Variants in VRK2 observed in about 807,000 individuals in gnomAD.
VRK2 encodes serine/threonine-protein kinase VRK2.
A neutral mutation model predicts 57.6 loss-of-function variants in VRK2; 60 were observed. The ratio of observed to expected loss-of-function variants is 1.04; its 90% CI spans 0.85 to 1.29. The LOEUF is 1.29. Ranked by LOEUF, VRK2 falls within the 50% of genes most tolerant of loss-of-function variation. The pLI is 0.00. For missense variants in VRK2, 705 were observed against 588.1 expected, an observed-to-expected ratio of 1.20 and a Z score of -2.06; for synonymous variants, 231 against 199.2, an observed-to-expected ratio of 1.16 and a Z score of -1.35.
intron 2 of VRK2, among the ~76,000 whole-genome samples, chr2:58,064,852 A>T (rs1668406102): frequency 6.6e-6 from 1 of 152,148 alleles, no homozygotes; most frequent in Non-Finnish European, 1.5e-5. Flanking sequence ...ATGTGTGATT[A>T]AGAAAACATA....
intron 1 of VRK2, among the ~76,000 whole-genome samples, chr2:57,914,901 A>T (rs1243896605): frequency 6.6e-6 from 1 of 152,158 alleles, no homozygotes; most frequent in Non-Finnish European, 1.5e-5. Flanking sequence ...ACATTTAAAT[A>T]CATTACTACT....
chr2:58,021,443 G>C (rs1002732572), intron 1 of VRK2, among the ~76,000 whole-genome samples: 4 of 152,002 alleles, frequency 2.6e-5, no homozygotes, highest in African/African-American at 9.7e-5. Flanking sequence ...CATTACTTTA[G>C]AATTTTTCTT....
intron 7 of VRK2, among the ~76,000 whole-genome samples, chr2:58,098,518 CT>C (rs1229596303): frequency 2.6e-5 from 4 of 151,832 alleles, no homozygotes; most frequent in African/African-American, 9.7e-5. Flanking sequence ...TTTAATATAC[CT>C]TTTTATGTTT....
At chr2:58,045,584 T>C (rs759391581), upstream of VRK2, among the ~76,000 whole-genome samples, 68 of 152,238 alleles carry the variant, frequency 4.5e-4, no homozygotes, top group Non-Finnish European at 1.5e-4. Context: ...AATTATTCTA[T>C]GGACTGTTTC....
At chr2:57,991,973 T>A (rs975629909) in intron 1 of VRK2, among the ~76,000 whole-genome samples, 158 of 145,920 alleles carry the variant, frequency 1.1e-3, no homozygotes, top group African/African-American at 3.1e-3. Context: ...AAAAAAAAAA[T>A]TTGATTTGTA....
chr2:57,913,388 T>C (rs968628309), intron 1 of VRK2, among the ~76,000 whole-genome samples: 5 of 152,218 alleles, frequency 3.3e-5, no homozygotes, highest in African/African-American at 1.2e-4. Flanking sequence ...GCTAAAAAAG[T>C]AGTTTTCCAA....
chr2:58,012,271 C>G (rs1673437917), intron 1 of VRK2, among the ~76,000 whole-genome samples: 1 of 152,152 alleles, frequency 6.6e-6, no homozygotes, highest in African/African-American at 2.4e-5. Context: ...AGTAGCCATT[C>G]TTTTATTCCT....
chr2:57,961,856 T>A (rs1224074565), intron 1 of VRK2, among the ~76,000 whole-genome samples: 1 of 152,064 alleles, frequency 6.6e-6, no homozygotes, highest in Non-Finnish European at 1.5e-5. Flanking sequence ...ACAGGAGGAC[T>A]GCTTGAGCCC....
chr2:58,086,219 A>T (rs1246120140), intron 4 of VRK2, 120 bp from the exon 5 acceptor site: 1 of 815,202 alleles, frequency 1.2e-6, no homozygotes, highest in Non-Finnish European at 1.9e-6. Flanking sequence ...TTGAAAAAAA[A>T]TTATCTTCTA....
chr2:58,098,050 G>A (rs1352442249), intron 7 of VRK2, among the ~76,000 whole-genome samples: 1 of 151,924 alleles, frequency 6.6e-6, no homozygotes, highest in Non-Finnish European at 1.5e-5. Flanking sequence ...TGATATTCAT[G>A]ATCTTCACCA....
chr2:57,929,476 G>A (rs945741491), intron 1 of VRK2, among the ~76,000 whole-genome samples: 1 of 152,098 alleles, frequency 6.6e-6, no homozygotes, highest in Non-Finnish European at 1.5e-5. Flanking sequence ...TCTGGCCTAG[G>A]ACTGTTCTGG....
chr2:58,123,288 A>C (rs780683265), intron 8 of VRK2, 55 bp downstream of exon 8: 19 of 1,555,514 alleles, frequency 1.2e-5, no homozygotes, highest in Non-Finnish European at 1.6e-5. Flanking sequence ...ATTAGAGACA[A>C]GGGTAATGAG....
At position 57,978,641 on chromosome 2, in the gene VRK2, T is replaced by G. The variant is rs529426754; in HGVS notation, c.-438-47024T>G. 2.9e-4 allele frequency among the ~76,000 whole-genome samples: 43 copies of G among 150,820 alleles called. No homozygotes were observed. In the South Asian group the frequency reaches 8.7e-3, roughly 31 times the overall value. ...GATCCCTCAGGCCAAGTATCTTTTT[T>G]TTTTTATATATTGGCTTACTTGATT... On this transcript the variant is annotated intron_variant, in intron 1 of 15. Transcript: ENST00000417641.
At chr2:58,064,850 T>G (rs1668405750) in intron 2 of VRK2, among the ~76,000 whole-genome samples, 1 of 152,134 alleles carries the variant, frequency 6.6e-6, no homozygotes, top group South Asian at 2.1e-4. Flanking sequence ...ATATGTGTGA[T>G]TAAGAAAACA....
intron 1 of VRK2, among the ~76,000 whole-genome samples, chr2:58,016,134 T>G (rs1156955811): frequency 6.6e-6 from 1 of 152,206 alleles, no homozygotes. Flanking sequence ...GCTTAAATTT[T>G]CTGTGCCTCA....
chr2:58,081,455 CTG>C (rs1670857184), intron 2 of VRK2, among the ~76,000 whole-genome samples: 1 of 151,730 alleles, frequency 6.6e-6, no homozygotes, highest in African/African-American at 2.4e-5. Flanking sequence ...TTTATTCTAA[CTG>C]TGTTTTCTTT....
intron 1 of VRK2, among the ~76,000 whole-genome samples, chr2:57,960,202 C>T (rs560531697): frequency 5.3e-5 from 8 of 152,014 alleles, no homozygotes; most frequent in Non-Finnish European, 1.2e-4. Flanking sequence ...TATCATACAA[C>T]CAAAAAGAGT....
chr2:58,005,639 A>G (rs1283446995), intron 1 of VRK2, among the ~76,000 whole-genome samples: 3 of 152,220 alleles, frequency 2.0e-5, no homozygotes, highest in East Asian at 3.8e-4. Context: ...TAAGATATAT[A>G]AAAAGACATG....
At chr2:57,951,101 TAATA>T (rs1266470591) in intron 1 of VRK2, among the ~76,000 whole-genome samples, 1 of 151,700 alleles carries the variant, frequency 6.6e-6, no homozygotes, top group Non-Finnish European at 1.5e-5. Flanking sequence ...AAAAAAAAAA[TAATA>T]AATAAATAAA....
Sources: gnomAD v4.1 joint callset for allele counts (sites outside exome capture counted in the v4.1 genomes callset) on GRCh38, gnomAD v4.1.1 for gene constraint, MANE v1.5 for transcripts, NCBI Gene and HGNC (gene_info 2026-07-23, HGNC 2026-07-21) for gene names.